The following YEATS4 variants were observed in gnomAD, a reference collection of about 807,000 sequenced individuals.
YEATS4 encodes the protein YEATS domain containing 4, also known as YEATS domain-containing protein 4.
YEATS4 carries 17 observed loss-of-function variants against 30.1 expected under a neutral mutation model. The observed-to-expected ratio is 0.56, with a 90% confidence interval of 0.39 to 0.85. The LOEUF (loss-of-function observed/expected upper bound fraction) is 0.85, where lower values mean the gene tolerates loss of function less well. Among genes scored for constraint, YEATS4 ranks in the 40% least tolerant of loss-of-function variants. The pLI is 0.00. For missense variants in YEATS4, 142 were observed against 268.3 expected (o/e 0.53, Z 3.29); for synonymous variants, 85 against 87.5 (o/e 0.97, Z 0.16).
the YEATS4 span, among the ~76,000 whole-genome samples, chr12:69,413,227 A>G: frequency 1.6e-4 from 25 of 152,272 alleles, no homozygotes; most frequent in African/African-American, 6.0e-4. Flanking sequence ...AGTCTGGCCA[A>G]CAGAGTGAGA....
At chr12:69,417,294 A>T in the YEATS4 span, among the ~76,000 whole-genome samples, 17 of 149,212 alleles carry the variant, frequency 1.1e-4, no homozygotes, top group African/African-American at 4.0e-4. Flanking sequence ...CGTTGCTTGG[A>T]CTACAGGTGC....
chr12:69,426,499 T>C, the YEATS4 span, among the ~76,000 whole-genome samples: 1 of 152,092 alleles, frequency 6.6e-6, no homozygotes, highest in East Asian at 1.9e-4. Context: ...GCCTCCCGAG[T>C]AGCTGGGATT....
At chr12:69,393,811 G>A (rs1008331614), downstream of YEATS4, among the ~76,000 whole-genome samples, 11 of 152,206 alleles carry the variant, frequency 7.2e-5, 1 homozygote, top group East Asian at 1.2e-3. Context: ...CTGAACTCTC[G>A]TGTGTGCTTG....
the YEATS4 span, among the ~76,000 whole-genome samples, chr12:69,423,355 A>G: frequency 7.8e-4 from 119 of 152,332 alleles, no homozygotes; most frequent in Middle Eastern, 0.014. Context: ...ACAGGGCTGT[A>G]TATGTCATAA....
chr12:69,420,230 G>T, the YEATS4 span, among the ~76,000 whole-genome samples: 12 of 152,144 alleles, frequency 7.9e-5, no homozygotes, highest in Non-Finnish European at 1.6e-4. Context: ...ATTTTTCCAG[G>T]ATGCAAGGAA....
At chr12:69,368,951 G>A (rs1454336279) in intron 4 of YEATS4, among the ~76,000 whole-genome samples, 4 of 152,080 alleles carry the variant, frequency 2.6e-5, no homozygotes, top group Non-Finnish European at 4.4e-5. Context: ...TTAGGGCTTC[G>A]TATCTTTTGC....
chr12:69,427,000 G>T, the YEATS4 span, among the ~76,000 whole-genome samples: 6 of 152,092 alleles, frequency 3.9e-5, no homozygotes, highest in African/African-American at 1.4e-4. Flanking sequence ...TTGAAAGAAA[G>T]ATAATTATTC....
chr12:69,392,681 A>T (rs542438339), downstream of YEATS4, among the ~76,000 whole-genome samples: 1 of 152,188 alleles, frequency 6.6e-6, no homozygotes, highest in Admixed American at 6.5e-5. Context: ...TTTCTAACCA[A>T]TGTAGGTGTT....
the YEATS4 span, among the ~76,000 whole-genome samples, chr12:69,400,109 G>T: frequency 4.0e-5 from 6 of 151,664 alleles, no homozygotes; most frequent in Non-Finnish European, 1.5e-5. Context: ...ATACTTTATG[G>T]TATGTGAATT....
chr12:69,369,924 G>C (rs1296500043), intron 4 of YEATS4, among the ~76,000 whole-genome samples: 1 of 152,094 alleles, frequency 6.6e-6, no homozygotes, highest in Admixed American at 6.6e-5. Context: ...GATGGTGCTT[G>C]TTTAAATTCA....
chr12:69,394,511 C>T (rs574410280), downstream of YEATS4, among the ~76,000 whole-genome samples: 1 of 152,174 alleles, frequency 6.6e-6, no homozygotes, highest in South Asian at 2.1e-4. Flanking sequence ...ATTTCTCATC[C>T]ATGTAGGATG....
At chr12:69,362,982 G>GTT (rs144560377) in intron 2 of YEATS4, 75 bp downstream of exon 2, 1 of 353,266 alleles carries the variant, frequency 2.8e-6, no homozygotes, top group Non-Finnish European at 3.9e-6. Context: ...ACAACCTGTA[G>GTT]TTTTTTTTTT....
chr12:69,393,304 C>A (rs1868329306), downstream of YEATS4, among the ~76,000 whole-genome samples: 1 of 151,954 alleles, frequency 6.6e-6, no homozygotes, highest in Admixed American at 6.6e-5. Flanking sequence ...ACAAAAGACA[C>A]AAACAACAGA....
chr12:69,398,348 G>A, the YEATS4 span, among the ~76,000 whole-genome samples: 1 of 151,896 alleles, frequency 6.6e-6, no homozygotes, highest in Non-Finnish European at 1.5e-5. Context: ...GGTAATAAAT[G>A]GATGCAGCAA....
intron 6 of YEATS4, among the ~76,000 whole-genome samples, chr12:69,379,648 C>T (rs1168723219): frequency 7.6e-6 from 1 of 130,862 alleles, no homozygotes; most frequent in African/African-American, 2.9e-5. Flanking sequence ...GCCATGTTGC[C>T]CAGGCTAGTC....
At chr12:69,389,823 A>C (rs975196431) in intron 6 of YEATS4, among the ~76,000 whole-genome samples, 1 of 152,088 alleles carries the variant, frequency 6.6e-6, no homozygotes, top group African/African-American at 2.4e-5. Flanking sequence ...ACCTCTCATT[A>C]GCTGATGTAT....
chr12:69,405,097 G>A, the YEATS4 span, among the ~76,000 whole-genome samples: 2 of 152,142 alleles, frequency 1.3e-5, no homozygotes, highest in Admixed American at 1.3e-4. Flanking sequence ...AAGCCTGCAG[G>A]GCAGCCCATG....
chr12:69,403,289 A>T, the YEATS4 span, among the ~76,000 whole-genome samples: 4 of 151,906 alleles, frequency 2.6e-5, no homozygotes, highest in Admixed American at 2.0e-4. Flanking sequence ...ATTAAAAGGG[A>T]TTTGCATCCA....
At chr12:69,397,524 G>C in the YEATS4 span, among the ~76,000 whole-genome samples, 1 of 152,124 alleles carries the variant, frequency 6.6e-6, no homozygotes, top group African/African-American at 2.4e-5. Context: ...TTTTATAAAG[G>C]GTAGTTCCCC....
Sources: gnomAD v4.1 joint callset for allele counts (sites outside exome capture counted in the v4.1 genomes callset) on GRCh38, gnomAD v4.1.1 for gene constraint, MANE v1.5 for transcripts, NCBI Gene and HGNC (gene_info 2026-07-23, HGNC 2026-07-21) for gene names.